The following FBXO25 variants were observed in gnomAD, a reference collection of about 807,000 sequenced individuals.
FBXO25 encodes the protein F-box only protein 25.
FBXO25 carries 45 observed loss-of-function variants against 51.9 expected under a neutral mutation model. The ratio of observed to expected loss-of-function variants is 0.87; its 90% CI spans 0.68 to 1.11. The LOEUF (loss-of-function observed/expected upper bound fraction) is 1.11, where lower values mean the gene tolerates loss of function less well. FBXO25 is among the 50% of genes most tolerant of loss of function. The pLI, the probability that FBXO25 is intolerant of heterozygous loss-of-function variation, is 0.00. For missense variants in FBXO25, 507 were observed against 428.5 expected (o/e 1.18, Z -1.62); for synonymous variants, 199 against 151.0 (o/e 1.32, Z -2.33).
At chr8:414,258 G>C (rs1011292093) in intron 2 of FBXO25, among the ~76,000 whole-genome samples, 14 of 152,188 alleles carry the variant, frequency 9.2e-5, no homozygotes, top group Admixed American at 9.2e-4. Flanking sequence ...CTTATTTAAA[G>C]CTTGTAATTA....
chr8:412,744 G>A (rs1279958557), intron 1 of FBXO25, among the ~76,000 whole-genome samples: 1 of 152,210 alleles, frequency 6.6e-6, no homozygotes, highest in Non-Finnish European at 1.5e-5. Context: ...CTGGCAAAGA[G>A]AGAATACTTG....
At chr8:461,804 T>C (rs552258018) in intron 8 of FBXO25, among the ~76,000 whole-genome samples, 1 of 152,342 alleles carries the variant, frequency 6.6e-6, no homozygotes, top group Admixed American at 6.5e-5. Context: ...ATGATGTCCT[T>C]ACGGCTCCAT....
chr8:439,509 G>C (rs2003213), intron 5 of FBXO25, among the ~76,000 whole-genome samples: 33,916 of 152,154 alleles, frequency 0.22, 4,084 homozygotes, highest in African/African-American at 0.33. Context: ...GCCTGTGGTG[G>C]ACCAATTAGA....
At chr8:437,600 A>G (rs748798611) in intron 5 of FBXO25, among the ~76,000 whole-genome samples, 1 of 152,138 alleles carries the variant, frequency 6.6e-6, no homozygotes, top group Non-Finnish European at 1.5e-5. Context: ...CAAAAACAAG[A>G]AGCAGCCTTT....
chr8:423,888 G>A (rs1245774321), intron 2 of FBXO25, among the ~76,000 whole-genome samples: 1 of 152,112 alleles, frequency 6.6e-6, no homozygotes, highest in Admixed American at 6.5e-5. Flanking sequence ...CACAATGGCT[G>A]GACTGATTTA....
chr8:432,795 T>C, intron 3 of FBXO25, 91 bp from the exon 4 acceptor site: 1 of 1,361,422 alleles, frequency 7.3e-7, no homozygotes, highest in Non-Finnish European at 9.7e-7. Context: ...CAGATAATTT[T>C]GTTAACATGT....
At chr8:446,074 C>T (rs1382379610) in intron 5 of FBXO25, among the ~76,000 whole-genome samples, 3 of 152,084 alleles carry the variant, frequency 2.0e-5, no homozygotes, top group Admixed American at 6.5e-5. Context: ...CCTCATCTCT[C>T]CTGAGTTCAG....
At chr8:409,747 T>TC (rs1216750235) in intron 1 of FBXO25, among the ~76,000 whole-genome samples, 5 of 151,326 alleles carry the variant, frequency 3.3e-5, no homozygotes, top group African/African-American at 9.7e-5. Flanking sequence ...TAGTTGTTTT[T>TC]TTCTGTCTCC....
intron 5 of FBXO25, among the ~76,000 whole-genome samples, chr8:443,469 A>T (rs1798550309): frequency 6.6e-6 from 1 of 151,836 alleles, no homozygotes; most frequent in South Asian, 2.1e-4. Context: ...AAAAAAGCAG[A>T]CGTTCTTTCT....
intron 9 of FBXO25, among the ~76,000 whole-genome samples, chr8:466,173 C>T (rs551186595): frequency 1.1e-4 from 17 of 152,332 alleles, no homozygotes; most frequent in African/African-American, 3.8e-4. Flanking sequence ...GCCATCTCTC[C>T]TAATTTAACC....
intron 8 of FBXO25, among the ~76,000 whole-genome samples, chr8:459,545 G>C (rs1470672959): frequency 6.6e-6 from 1 of 152,194 alleles, no homozygotes; most frequent in Admixed American, 6.5e-5. Flanking sequence ...GGCTGGAGTG[G>C]ATACAAGAGG....
Position 469,918 on chromosome 8 carries a change from G to A in FBXO25, c.*1114G>A, listed in dbSNP as rs1170126673. 4 of 152,116 alleles carry A rather than the reference G, an allele frequency of 2.6e-5. No individual in the cohort carries two copies. Among genetic ancestry groups the A allele is most frequent in the African/African-American group, 9.7e-5 (4 of 41,400 alleles). The allele number at this position is 152,116 out of a possible 1,614,324, so 9.4% of individuals were successfully genotyped here. A position where few individuals can be genotyped will look rare whatever the true frequency, so the allele number is the denominator to read the frequency against. On this transcript the variant is annotated 3_prime_UTR_variant, in exon 10 of 10. Coordinates refer to ENST00000350302, the MANE Select transcript of FBXO25 (RefSeq NM_183420.2). ...TTCTGGATTTTTCAGCCCCACTTCT[G>A]TGAACTGACACAAATGGCCAAGAAT...
At chr8:445,883 C>T (rs1269452733) in intron 5 of FBXO25, among the ~76,000 whole-genome samples, 3 of 152,080 alleles carry the variant, frequency 2.0e-5, no homozygotes, top group East Asian at 1.9e-4. Flanking sequence ...CAAAACAAAA[C>T]AAAAAAACAG....
chr8:466,474 CTTTG>C lies in FBXO25; in HGVS notation c.988-2233_988-2230del, dbSNP rs373287263. Among the ~76,000 whole-genome samples the C allele has an allele frequency of 6.6e-4, 101 of 152,314 alleles. 1 individual carries two copies. The highest frequency in any genetic ancestry group is 2.3e-3 in the African/African-American group (94 of 41,584). ...CTTAGGGTTAGGGTCACTGCTTGTT[CTTTG>C]TTTGTTTAGCATCCCAGTAGTTTGT... On this transcript the variant is annotated intron_variant, in intron 9 of 9. Coordinates refer to ENST00000350302, the MANE Select transcript of FBXO25 (RefSeq NM_183420.2).
intron 7 of FBXO25, among the ~76,000 whole-genome samples, chr8:452,765 G>C (rs1285984528): frequency 6.6e-6 from 1 of 152,218 alleles, no homozygotes; most frequent in African/African-American, 2.4e-5. Context: ...CCAGTGGAGA[G>C]ATGTGCACCG....
intron 2 of FBXO25, among the ~76,000 whole-genome samples, chr8:423,519 C>T (rs1440656624): frequency 1.3e-5 from 2 of 152,028 alleles, no homozygotes; most frequent in Admixed American, 1.3e-4. Context: ...GTGTTTAGCT[C>T]CCATTTATAA....
chr8:409,185 T>C (rs2117383814), intron 1 of FBXO25, among the ~76,000 whole-genome samples: 1 of 152,290 alleles, frequency 6.6e-6, no homozygotes, highest in Non-Finnish European at 1.5e-5. Flanking sequence ...TTTTTGTTGG[T>C]GGTGTTGTTT....
chr8:467,703 T>G (rs747283349), intron 9 of FBXO25: 2 of 1,613,950 alleles, frequency 1.2e-6, no homozygotes, highest in East Asian at 2.2e-5. Flanking sequence ...CCTGATTCTT[T>G]CTTCATGATC....
At chr8:415,501 T>A (rs1796741674) in intron 2 of FBXO25, among the ~76,000 whole-genome samples, 1 of 152,152 alleles carries the variant, frequency 6.6e-6, no homozygotes, top group Non-Finnish European at 1.5e-5. Flanking sequence ...GGCTGTTGAT[T>A]CAGAATAGAG....
Sources: allele counts gnomAD v4.1 joint callset (sites outside exome capture counted in the v4.1 genomes callset), GRCh38; gene constraint gnomAD v4.1.1; transcripts MANE v1.5; gene names NCBI Gene and HGNC (gene_info 2026-07-23, HGNC 2026-07-21).